KIAA0232: variants seen among roughly 807,000 people sequenced by gnomAD.
KIAA0232 encodes KIAA0232.
A neutral mutation model predicts 122.0 loss-of-function variants in KIAA0232; 27 were observed. That is an observed-to-expected ratio of 0.22 (90% CI 0.16 to 0.31). The LOEUF (loss-of-function observed/expected upper bound fraction) is 0.31. Ranked by LOEUF, KIAA0232 falls within the 10% of genes least tolerant of loss-of-function variation. KIAA0232 has a pLI of 1.00. For missense variants in KIAA0232, 1,551 were observed against 1,634.2 expected (o/e 0.95, Z 0.88); for synonymous variants, 613 against 587.6 (o/e 1.04, Z -0.63).
rs1382704761 is a variant in KIAA0232, at chr4:6,820,777, G to A, written c.-269-3408G>A. On this transcript the variant is annotated intron_variant, in intron 2 of 9. Coordinates refer to ENST00000307659, the MANE Select transcript of KIAA0232 (RefSeq NM_014743.3). The stretch of plus-strand genomic sequence containing the variant: ...CTTGAATGGATCCACATTTTGTTCT[G>A]TCTTAGTCTGTTTTCTGTTGCTATA... 2.0e-5 allele frequency among the ~76,000 whole-genome samples: 3 copies of A among 152,152 alleles called. No homozygotes were observed. The East Asian group carries it at 5.8e-4, about 29-fold the overall frequency.
chr4:6,827,835 C>T (rs141908281), intron 3 of KIAA0232, among the ~76,000 whole-genome samples: 2 of 151,982 alleles, frequency 1.3e-5, no homozygotes, highest in East Asian at 3.9e-4. Flanking sequence ...TATGGAGATA[C>T]GGTCACTGTG....
intron 3 of KIAA0232, among the ~76,000 whole-genome samples, chr4:6,834,338 T>C (rs1480672503): frequency 6.6e-6 from 1 of 152,132 alleles, no homozygotes; most frequent in Non-Finnish European, 1.5e-5. Context: ...CATCATTTTA[T>C]GTACTGATAA....
chr4:6,790,385 A>G (rs1349133464), intron 1 of KIAA0232, among the ~76,000 whole-genome samples: 1 of 149,126 alleles, frequency 6.7e-6, no homozygotes, highest in African/African-American at 2.5e-5. Flanking sequence ...TTTTAATTAA[A>G]AAAGGTCTTT....
intron 1 of KIAA0232, among the ~76,000 whole-genome samples, chr4:6,796,246 T>C (rs1017346455): frequency 6.6e-6 from 1 of 152,012 alleles, no homozygotes; most frequent in Non-Finnish European, 1.5e-5. Flanking sequence ...CCTATATTGT[T>C]CTTTTTTTTT....
intron 2 of KIAA0232, among the ~76,000 whole-genome samples, chr4:6,815,494 G>A (rs1718077056): frequency 6.6e-6 from 1 of 152,182 alleles, no homozygotes. Context: ...TCTGCTAACA[G>A]TTTGAGTTAA....
intron 7 of KIAA0232, among the ~76,000 whole-genome samples, chr4:6,867,226 G>A (rs1309125868): frequency 6.6e-6 from 1 of 152,194 alleles, no homozygotes; most frequent in Non-Finnish European, 1.5e-5. Flanking sequence ...ATGGTGGAGG[G>A]GAGCACAGAA....
chr4:6,801,310 C>A (rs972397595), intron 1 of KIAA0232, among the ~76,000 whole-genome samples: 1 of 152,162 alleles, frequency 6.6e-6, no homozygotes, highest in African/African-American at 2.4e-5. Flanking sequence ...ATTCATTGGA[C>A]AATGCAGTTC....
Position 6,858,566 on chromosome 4 carries a change from C to T in KIAA0232, c.518+60C>T, listed in dbSNP as rs536831788. ...TTTGTTAAAATCAGATGAATAACTG[C>T]TACATGGTTTCCGTTTTCTGTTTGT... On this transcript the variant is annotated intron_variant, in intron 6 of 9. Transcript: ENST00000307659. The T allele has an allele frequency of 1.6e-4, 170 of 1,070,860 alleles. 1 individual carries two copies. The South Asian group carries it at 2.4e-3, about 15-fold the overall frequency. The allele number at this position is 1,070,860 out of a possible 1,614,324, so 66.3% of individuals were successfully genotyped here.
At chr4:6,860,865 A>C (rs1379108991) in intron 6 of KIAA0232, 36 bp from the exon 7 acceptor site, 4 of 1,567,792 alleles carry the variant, frequency 2.6e-6, no homozygotes, top group Non-Finnish European at 3.5e-6. Context: ...AAAAATCTGC[A>C]TACTCGTGTT....
intron 2 of KIAA0232, among the ~76,000 whole-genome samples, chr4:6,816,570 C>T (rs974419078): frequency 2.0e-5 from 3 of 152,182 alleles, no homozygotes; most frequent in African/African-American, 4.8e-5. Context: ...GCGTGAGCCA[C>T]CTCGCTCAGC....
chr4:6,857,142 G>A (rs1720610243), intron 4 of KIAA0232, 22 bp from the exon 5 acceptor site: 7 of 1,574,468 alleles, frequency 4.4e-6, no homozygotes, highest in Non-Finnish European at 6.1e-6. Context: ...GTAACCTAAT[G>A]TGTCTTTTTG....
At chr4:6,799,592 C>T (rs1417965006) in intron 1 of KIAA0232, among the ~76,000 whole-genome samples, 1 of 152,034 alleles carries the variant, frequency 6.6e-6, no homozygotes, top group Non-Finnish European at 1.5e-5. Flanking sequence ...GATGGCATAG[C>T]CTAAGACTAC....
At chr4:6,875,544 C>T (rs556447054) in intron 8 of KIAA0232, among the ~76,000 whole-genome samples, 1 of 152,168 alleles carries the variant, frequency 6.6e-6, no homozygotes, top group Admixed American at 6.5e-5. Context: ...GATGGTCTTA[C>T]CCTTGGCACA....
chr4:6,800,873 G>A (rs1023418816), intron 1 of KIAA0232, among the ~76,000 whole-genome samples: 7 of 152,292 alleles, frequency 4.6e-5, no homozygotes, highest in Admixed American at 3.3e-4. Flanking sequence ...GGGGTGATAC[G>A]AAGAGCCCAG....
chr4:6,814,877 G>T (rs1718047731), intron 2 of KIAA0232, among the ~76,000 whole-genome samples: 1 of 152,018 alleles, frequency 6.6e-6, no homozygotes, highest in Non-Finnish European at 1.5e-5. Context: ...ATTTTTAATA[G>T]AAACGATTTA....
chr4:6,794,082 G>A (rs184264099), intron 1 of KIAA0232, among the ~76,000 whole-genome samples: 18 of 152,342 alleles, frequency 1.2e-4, no homozygotes, highest in African/African-American at 4.1e-4. Context: ...TTAAGGGTAA[G>A]GCGAGAGGAA....
intron 4 of KIAA0232, among the ~76,000 whole-genome samples, chr4:6,850,110 G>A (rs1371594991): frequency 6.6e-6 from 1 of 152,222 alleles, no homozygotes; most frequent in African/African-American, 2.4e-5. Flanking sequence ...ACACAGAAGT[G>A]GAAGGGGCTG....
At chr4:6,805,342 C>T (rs1333945469) in intron 2 of KIAA0232, among the ~76,000 whole-genome samples, 1 of 152,124 alleles carries the variant, frequency 6.6e-6, no homozygotes, top group Admixed American at 6.5e-5. Flanking sequence ...TTTATTTGGA[C>T]TCTTTAAAAT....
chr4:6,862,919 C>T lies in KIAA0232; in HGVS notation c.2537C>T (p.Thr846Ile). The change falls in exon 7 of 10, where the codon ACT becomes ATT. Residue 846 changes from threonine (T) to isoleucine (I), a missense_variant. Thr to Ile is a moderately conservative substitution (Grantham distance 89, BLOSUM62 -1). This residue lies in a region of KIAA0232 where 1,108 missense variants were observed against 1,154.8 expected (regional missense o/e 0.96). Transcript: ENST00000307659. The part of the protein sequence containing the change: ...NSVATVEIER[T>I]DAELFSADVN... Reference sequence around the variant, plus strand: ...GTGGCTACAGTAGAAATAGAAAGAACTGATGCTGAGTTGTTTTCGGCAGAT... The same window carrying T: ...GTGGCTACAGTAGAAATAGAAAGAATTGATGCTGAGTTGTTTTCGGCAGAT... The T allele has an allele frequency of 1.2e-6, 2 of 1,614,220 alleles. No individual in the cohort carries two copies. Among genetic ancestry groups the T allele is most frequent in the East Asian group, 2.2e-5 (1 of 44,888 alleles).
Sources: gnomAD v4.1 joint callset for allele counts (sites outside exome capture counted in the v4.1 genomes callset) on GRCh38, gnomAD v4.1.1 for gene constraint, gnomAD v4.1.1 regional missense constraint, MANE v1.5 for transcripts, NCBI Gene and HGNC (gene_info 2026-07-23, HGNC 2026-07-21) for gene names.